Variants in ADK observed in about 807,000 individuals in gnomAD.
ADK encodes the protein N6,N6-dimethyladenosine kinase.
Under a neutral mutation model 44.7 loss-of-function variants are expected in ADK, and 24 were observed. The observed-to-expected ratio is 0.54, with a 90% confidence interval of 0.39 to 0.76. ADK has a LOEUF of 0.76. Ranked by LOEUF, ADK falls within the 30% of genes least tolerant of loss-of-function variation. The pLI is 0.00. For synonymous variants in ADK, 128 were observed against 142.6 expected, an observed-to-expected ratio of 0.90 and a Z score of 0.73; for missense variants, 321 against 425.1, an observed-to-expected ratio of 0.76 and a Z score of 2.15.
intron 1 of ADK, chr10:74,176,917 C>G: frequency 6.2e-7 from 1 of 1,609,118 alleles, no homozygotes. Context: ...TTGACTGCTC[C>G]GAGCTGGGCG....
chr10:74,316,515 T>C (rs2131809434), intron 4 of ADK, among the ~76,000 whole-genome samples: 1 of 152,326 alleles, frequency 6.6e-6, no homozygotes, highest in Non-Finnish European at 1.5e-5. Flanking sequence ...CTGATGGCTT[T>C]ATAAGGGGCT....
At chr10:74,603,947 T>G (rs1416045893) in intron 9 of ADK, among the ~76,000 whole-genome samples, 1 of 152,230 alleles carries the variant, frequency 6.6e-6, no homozygotes, top group African/African-American at 2.4e-5. Flanking sequence ...CCATTCTAAC[T>G]GACATGAGAT....
intron 8 of ADK, among the ~76,000 whole-genome samples, chr10:74,593,049 A>G (rs570152539): frequency 6.6e-6 from 1 of 152,324 alleles, no homozygotes; most frequent in East Asian, 1.9e-4. Flanking sequence ...GTATTCAGGC[A>G]GTGTTGATTA....
At chr10:74,444,435 A>G (rs932369951) in intron 6 of ADK, among the ~76,000 whole-genome samples, 2 of 152,048 alleles carry the variant, frequency 1.3e-5, no homozygotes, top group African/African-American at 4.8e-5. Context: ...CACGAATGTG[A>G]ACCTTTTTCT....
chr10:74,392,861 C>G (rs1843384005), intron 4 of ADK, among the ~76,000 whole-genome samples: 1 of 151,912 alleles, frequency 6.6e-6, no homozygotes, highest in South Asian at 2.1e-4. Flanking sequence ...AAGGAGTGTT[C>G]CACAGAGCTT....
chr10:74,292,565 T>C (rs181651007), intron 3 of ADK, among the ~76,000 whole-genome samples: 67 of 152,300 alleles, frequency 4.4e-4, no homozygotes, highest in African/African-American at 1.4e-3. Context: ...ACTGAACTCC[T>C]AATCTTTCCT....
chr10:74,415,978 T>A (rs768616535), intron 6 of ADK, among the ~76,000 whole-genome samples: 2 of 151,488 alleles, frequency 1.3e-5, no homozygotes, highest in Non-Finnish European at 2.9e-5. Flanking sequence ...AAGCTTTTGC[T>A]CATATATATA....
intron 1 of ADK, among the ~76,000 whole-genome samples, chr10:74,160,553 C>T (rs1315148910): frequency 6.6e-6 from 1 of 152,202 alleles, no homozygotes; most frequent in East Asian, 1.9e-4. Context: ...AGCCCCAGTT[C>T]TGGGGCTTAC....
chr10:74,609,113 G>A (rs1342699428), intron 9 of ADK, among the ~76,000 whole-genome samples: 1 of 152,134 alleles, frequency 6.6e-6, no homozygotes, highest in African/African-American at 2.4e-5. Flanking sequence ...ATCCCAGGTC[G>A]ACTTCAGACT....
chr10:74,591,293 G>A (rs942214216), intron 8 of ADK, among the ~76,000 whole-genome samples: 4 of 152,050 alleles, frequency 2.6e-5, no homozygotes, highest in African/African-American at 9.7e-5. Context: ...CAGCATATAA[G>A]CAAAATGATA....
intron 1 of ADK, among the ~76,000 whole-genome samples, chr10:74,163,265 C>G (rs1304376631): frequency 6.6e-6 from 1 of 152,236 alleles, no homozygotes; most frequent in Non-Finnish European, 1.5e-5. Context: ...TGTGCCCGGC[C>G]AACAGTAACC....
intron 8 of ADK, among the ~76,000 whole-genome samples, chr10:74,596,142 G>C (rs1851918755): frequency 2.6e-5 from 4 of 151,752 alleles, no homozygotes; most frequent in African/African-American, 9.7e-5. Flanking sequence ...ACATGCTATA[G>C]TTTTGTGATA....
intron 4 of ADK, among the ~76,000 whole-genome samples, chr10:74,328,878 A>C (rs1447572012): frequency 1.3e-5 from 2 of 151,892 alleles, no homozygotes; most frequent in Non-Finnish European, 2.9e-5. Flanking sequence ...GATTTTTCTC[A>C]GCTCTGTGGT....
chr10:74,372,154 A>G (rs1842681333), intron 4 of ADK: 4 of 752,236 alleles, frequency 5.3e-6, no homozygotes, highest in Non-Finnish European at 2.4e-6. Context: ...GATCCTAAAG[A>G]GACTGAAAAA....
intron 9 of ADK, among the ~76,000 whole-genome samples, chr10:74,664,020 G>A (rs1034178514): frequency 2.0e-5 from 3 of 152,072 alleles, no homozygotes; most frequent in Admixed American, 6.6e-5. Flanking sequence ...TCTCCATAAA[G>A]CTGGAATGAT....
chr10:74,479,693 GCTTTT>G (rs1846996320), intron 6 of ADK, among the ~76,000 whole-genome samples: 1 of 151,656 alleles, frequency 6.6e-6, no homozygotes, highest in Admixed American at 6.6e-5. Flanking sequence ...CTAGCCATTA[GCTTTT>G]CTTTTAAGTG....
At chr10:74,488,374 CGTGT>C (rs60178427) in intron 6 of ADK, among the ~76,000 whole-genome samples, 1,536 of 140,822 alleles carry the variant, frequency 0.011, 43 homozygotes, top group Admixed American at 0.071. Context: ...GGAAAAAAGA[CGTGT>C]GTGTGTGTGT....
intron 4 of ADK, among the ~76,000 whole-genome samples, chr10:74,392,969 T>G (rs988762751): frequency 6.6e-5 from 10 of 152,106 alleles, no homozygotes; most frequent in Admixed American, 6.6e-4. Flanking sequence ...CTTCTACAGG[T>G]GGACTTCTAG....
At chr10:74,266,796 A>G (rs1846231276) in intron 3 of ADK, among the ~76,000 whole-genome samples, 1 of 152,174 alleles carries the variant, frequency 6.6e-6, no homozygotes, top group South Asian at 2.1e-4. Flanking sequence ...AGGTATTTTC[A>G]TTTAAAATTC....
Sources: gnomAD v4.1 joint callset for allele counts (sites outside exome capture counted in the v4.1 genomes callset) on GRCh38, gnomAD v4.1.1 for gene constraint, MANE v1.5 for transcripts, NCBI Gene and HGNC (gene_info 2026-07-23, HGNC 2026-07-21) for gene names.